PGK2: variants seen among roughly 807,000 people sequenced by gnomAD.
The protein encoded by PGK2 is phosphoglycerate kinase 2.
In PGK2, 5 loss-of-function variants were observed where a neutral mutation model predicts 5.2. The observed-to-expected ratio is 0.96, with a 90% CI of 0.50 to 2.01. PGK2 has a LOEUF of 2.01. PGK2 is among the 30% of genes most tolerant of loss of function. The pLI is 0.01. For missense variants in PGK2, 588 were observed against 506.8 expected (o/e 1.16, Z -1.54); for synonymous variants, 210 against 182.6 (o/e 1.15, Z -1.21).
chr6:49,786,912 A>G lies in PGK2; in HGVS notation c.276T>C (p.Asp92=). The G allele has an allele frequency of 6.2e-7, 1 of 1,614,102 alleles. No individual in the cohort carries two copies. Among genetic ancestry groups the G allele is most frequent in the Non-Finnish European group, 8.5e-7 (1 of 1,179,986 alleles). ...AVELKSLLGK[D]VLFLKDCVGA... is the part of the protein sequence containing the mutation. ...CTACACAGTCCTTCAGGAACAGAAC[A>G]TCCTTGCCCAGCAAGGATTTGAGCT... Residue 92 remains aspartate, a synonymous_variant, in exon 1 of 1, where the codon GAT becomes GAC. Transcript: ENST00000304801.
chr6:49,786,905 ACAGAACATC>A lies in PGK2; in HGVS notation c.274_282del (p.Asp92_Leu94del). On this transcript the variant is annotated inframe_deletion, in exon 1 of 1. Transcript: ENST00000304801. ...TCTGCGCCTACACAGTCCTTCAGGA[ACAGAACATC>A]CTTGCCCAGCAAGGATTTGAGCTCA... 1.2e-6 allele frequency: 2 copies of A among 1,614,102 alleles called. No homozygotes were observed. The highest frequency in any genetic ancestry group is 1.7e-6 in the Non-Finnish European group (2 of 1,180,016).
rs1561922260 is a variant in PGK2 at position 49,786,510 on chromosome 6, A to AC, written c.677_678insG (p.Asn226LysfsTer8). 1 of 1,614,098 alleles carries AC rather than the reference A, an allele frequency of 6.2e-7. No homozygotes were observed. The highest frequency in any genetic ancestry group is 8.5e-7 in the Non-Finnish European group (1 of 1,180,000). On this transcript the variant is annotated frameshift_variant, in exon 1 of 1. Coordinates refer to ENST00000304801, the MANE Select transcript of PGK2 (RefSeq NM_138733.5). LOFTEE classifies it low-confidence loss of function (END_TRUNC). ...TCATCTCATTGACTTTGTCCAGCAT[A>AC]TTTTTGATAAGTTGGATCTTGTCTG...
At position 49,786,643 on chromosome 6, in the gene PGK2, G is replaced by C; in HGVS notation, c.545C>G (p.Pro182Arg). Residue 182 changes from proline to arginine, a missense_variant, in exon 1 of 1, where the codon CCC (proline) becomes CGC (arginine). Coordinates refer to ENST00000304801, the MANE Select transcript of PGK2 (RefSeq NM_138733.5). The stretch of plus-strand genomic sequence containing the variant: ...CATCAAGAATCCGGATGCTTTATGG[G>C]GCAGATTCACTCCCACCATGGAACT... Reference protein sequence around the residue: ...AHSSMVGVNLPHKASGFLMKK... With the variant: ...AHSSMVGVNLRHKASGFLMKK... 1 of 1,614,032 alleles carries C rather than the reference G, an allele frequency of 6.2e-7. No individual in the cohort carries two copies.
chr6:49,786,143 C>T lies in PGK2; in HGVS notation c.1045G>A (p.Ala349Thr). The change falls in exon 1 of 1, where the codon GCT becomes ACT. Residue 349 changes from alanine to threonine, a missense_variant. Ala to Thr is a moderately conservative substitution (Grantham distance 58, BLOSUM62 0). Transcript: ENST00000304801. ...PLGVFEWDAF[A>T]KGTKALMDEI... Reference sequence around the variant, plus strand: ...TCCATGAGGGCTTTGGTTCCCTTAGCAAAGGCATCCCATTCAAATACTCCT... The same window carrying T: ...TCCATGAGGGCTTTGGTTCCCTTAGTAAAGGCATCCCATTCAAATACTCCT... 1 of 1,614,084 alleles carries T rather than the reference C, an allele frequency of 6.2e-7. No homozygotes were observed. Among genetic ancestry groups the T allele is most frequent in the South Asian group, 1.1e-5 (1 of 91,070 alleles).
Position 49,786,856 on chromosome 6 carries a change from G to C in PGK2, c.332C>G (p.Pro111Arg). ...GAEVEKACAN[P>R]APGSVILLEN... ...CAGCAGGATGACTGAACCAGGAGCTGGGTTGGCACAGGCTTTCTCCACTTC... is the reference window on the plus strand; with the variant it reads ...CAGCAGGATGACTGAACCAGGAGCTCGGTTGGCACAGGCTTTCTCCACTTC... The change falls in exon 1 of 1, where the codon CCA (proline) becomes CGA (arginine). Residue 111 changes from proline to arginine, a missense_variant. Pro to Arg is a moderately radical substitution (Grantham distance 103, BLOSUM62 -2). Coordinates refer to ENST00000304801, the MANE Select transcript of PGK2 (RefSeq NM_138733.5). 2 of 1,614,110 alleles carry C rather than the reference G, an allele frequency of 1.2e-6. No homozygotes were observed. The highest frequency in any genetic ancestry group is 2.2e-5 in the South Asian group (2 of 91,078).
rs1271923186 is a variant in PGK2 at position 49,785,861 on chromosome 6, C to T, written c.*73G>A. ...TAGGAGTAGATTTTAACAAAAGTCA[C>T]ATCGAGATGTAAAAGCATTAAGCTG... is the stretch of plus-strand genomic sequence containing the variant. On this transcript the variant is annotated 3_prime_UTR_variant, in exon 1 of 1. Transcript: ENST00000304801. 3.2e-6 allele frequency: 4 copies of T among 1,254,822 alleles called. No individual in the cohort carries two copies. The highest frequency in any genetic ancestry group is 4.5e-6 in the Non-Finnish European group (4 of 884,318). The allele number at this position is 1,254,822 out of a possible 1,614,324, so 77.7% of individuals were successfully genotyped here. A position where few individuals can be genotyped will look rare whatever the true frequency, so the allele number is the denominator to read the frequency against.
Position 49,786,808 on chromosome 6 carries a change from T to G in PGK2, c.380A>C (p.Glu127Ala). ...GGGATCTTGGCCCTTCCCTTCTTCC[T>G]CCACATGAAAGCGCAGGTTCTCCAG... ...ILLENLRFHV[E>A]EEGKGQDPSG... Residue 127 changes from glutamate to alanine, a missense_variant, in exon 1 of 1, where the codon GAG becomes GCG. By Grantham distance (107) the Glu-to-Ala change is moderately radical. Transcript: ENST00000304801. The G allele has an allele frequency of 2.5e-6, 4 of 1,614,116 alleles. No homozygotes were observed. The highest frequency in any genetic ancestry group is 3.4e-6 in the Non-Finnish European group (4 of 1,180,000).
Position 49,786,693 on chromosome 6 carries a change from A to T in PGK2, c.495T>A (p.Ala165=). Residue 165 remains alanine (A), a synonymous_variant, in exon 1 of 1, where the codon GCT becomes GCA. Transcript: ENST00000304801. ...SKLGDVYVND[A]FGTAHRAHSS... The stretch of plus-strand genomic sequence containing the variant: ...TATGAGCGCGGTGTGCAGTGCCAAA[A>T]GCATCATTGACATAGACGTCCCCTA... 5.0e-6 allele frequency: 8 copies of T among 1,614,134 alleles called. No individual in the cohort carries two copies. Among genetic ancestry groups the T allele is most frequent in the Non-Finnish European group, 5.9e-6 (7 of 1,180,022 alleles).
chr6:49,785,824 T>C lies in PGK2; in HGVS notation c.*110A>G. 2 of 816,366 alleles carry C rather than the reference T, an allele frequency of 2.4e-6. No homozygotes were observed. The highest frequency in any genetic ancestry group is 2.6e-5 in the Admixed American group (1 of 39,082). 50.6% of individuals were successfully genotyped at this position (816,366 alleles called of 1,614,324 possible). On this transcript the variant is annotated 3_prime_UTR_variant, in exon 1 of 1. Transcript: ENST00000304801. ...GATGGCCTGCTGCTTGTCCATTACA[T>C]AGGTCTTGATCTAGGAGTAGATTTT... is the stretch of plus-strand genomic sequence containing the variant.
chr6:49,786,271 C>G lies in PGK2; in HGVS notation c.917G>C (p.Gly306Ala), dbSNP rs769343937. ...CAAACCCATCCAGCCAGGAGATATGCCAGATGCTACAGTGGCTTTTCCAAC... is the reference window on the plus strand; with the variant it reads ...CAAACCCATCCAGCCAGGAGATATGGCAGATGCTACAGTGGCTTTTCCAAC... ...AQVGKATVASGISPGWMGLDC... is the reference protein window; with the variant it reads ...AQVGKATVASAISPGWMGLDC... Residue 306 changes from glycine to alanine, a missense_variant, in exon 1 of 1, where the codon GGC (glycine) becomes GCC (alanine). By Grantham distance (60) the Gly-to-Ala change is moderately conservative. Coordinates refer to ENST00000304801, the MANE Select transcript of PGK2 (RefSeq NM_138733.5). The G allele has an allele frequency of 6.2e-7, 1 of 1,614,166 alleles. No homozygotes were observed. The highest frequency in any genetic ancestry group is 8.5e-7 in the Non-Finnish European group (1 of 1,180,024).
In PGK2 at chr6:49,786,949, G is replaced by C; in HGVS notation, c.239C>G (p.Pro80Arg). Residue 80 changes from proline to arginine, a missense_variant, in exon 1 of 1, where the codon CCT becomes CGT. Physicochemically the swap from Pro to Arg is moderately radical, Grantham distance 103. Coordinates refer to ENST00000304801, the MANE Select transcript of PGK2 (RefSeq NM_138733.5). ...VPMPDKYSLA[P>R]VAVELKSLLG... ...CAAGGATTTGAGCTCAACAGCAACA[G>C]GTGCTAAGGAATATTTGTCAGGCAT... 1 of 1,614,070 alleles carries C rather than the reference G, an allele frequency of 6.2e-7. No individual in the cohort carries two copies. The highest frequency in any genetic ancestry group is 8.5e-7 in the Non-Finnish European group (1 of 1,180,010).
rs763977535 is a variant in PGK2, at chr6:49,786,921, C to T, written c.267G>A (p.Leu89=). 2.1e-5 allele frequency: 34 copies of T among 1,613,922 alleles called. No individual in the cohort carries two copies. In the East Asian group the frequency reaches 7.6e-4, roughly 36 times the overall value. Residue 89 remains leucine, a synonymous_variant, in exon 1 of 1, where the codon CTG becomes CTA. Coordinates refer to ENST00000304801, the MANE Select transcript of PGK2 (RefSeq NM_138733.5). ...CCTTCAGGAACAGAACATCCTTGCC[C>T]AGCAAGGATTTGAGCTCAACAGCAA... is the stretch of plus-strand genomic sequence containing the variant. ...APVAVELKSL[L]GKDVLFLKDC...
rs766299030 is a variant in PGK2, at chr6:49,786,302, C to T, written c.886G>A (p.Ala296Thr). The change falls in exon 1 of 1, where the codon GCT becomes ACT. Residue 296 changes from alanine to threonine, a missense_variant. Transcript: ENST00000304801. ...FVTGDKFDEN[A>T]QVGKATVASG... ...GCTACAGTGGCTTTTCCAACCTGAG[C>T]GTTCTCGTCAAACTTGTCCCCAGTA... The T allele has an allele frequency of 1.8e-5, 29 of 1,614,036 alleles. No individual in the cohort carries two copies. Among genetic ancestry groups the T allele is most frequent in the Non-Finnish European group, 2.3e-5 (27 of 1,180,030 alleles).
Position 49,786,679 on chromosome 6 carries a change from T to A in PGK2, c.509A>T (p.His170Leu), listed in dbSNP as rs140642109. ...VYVNDAFGTA[H>L]RAHSSMVGVN... ...TCCCACCATGGAACTATGAGCGCGG[T>A]GTGCAGTGCCAAAAGCATCATTGAC... is the stretch of plus-strand genomic sequence containing the variant. Residue 170 changes from histidine to leucine, a missense_variant, in exon 1 of 1, where the codon CAC becomes CTC. Physicochemically the swap from His to Leu is moderately conservative, Grantham distance 99 (BLOSUM62 -3). Transcript: ENST00000304801. The A allele has an allele frequency of 3.1e-4, 502 of 1,614,144 alleles. 5 individuals are homozygous for A. In the South Asian group the frequency reaches 3.7e-3, roughly 12 times the overall value.
Position 49,786,843 on chromosome 6 carries a change from T to C in PGK2, c.345A>G (p.Ser115=). 1 of 1,614,160 alleles carries C rather than the reference T, an allele frequency of 6.2e-7. No individual in the cohort carries two copies. Among genetic ancestry groups the C allele is most frequent in the Non-Finnish European group, 8.5e-7 (1 of 1,180,008 alleles). Reference sequence around the variant, plus strand: ...AGCGCAGGTTCTCCAGCAGGATGACTGAACCAGGAGCTGGGTTGGCACAGG... The same window carrying C: ...AGCGCAGGTTCTCCAGCAGGATGACCGAACCAGGAGCTGGGTTGGCACAGG... ...EKACANPAPG[S]VILLENLRFH... Residue 115 remains serine, a synonymous_variant, in exon 1 of 1, where the codon TCA becomes TCG. Transcript: ENST00000304801.
Position 49,786,526 on chromosome 6 carries a change from A to G in PGK2, c.662T>C (p.Ile221Thr), listed in dbSNP as rs922517052. ...ILGGAKVADK[I>T]QLIKNMLDKV... ...GTCCAGCATATTTTTGATAAGTTGG[A>G]TCTTGTCTGCCACTTTGGCTCCACC... Residue 221 changes from isoleucine to threonine, a missense_variant, in exon 1 of 1, where the codon ATC (isoleucine) becomes ACC (threonine). Ile to Thr is a moderately conservative substitution (Grantham distance 89). Transcript: ENST00000304801. The G allele has an allele frequency of 3.1e-6, 5 of 1,614,000 alleles. No individual in the cohort carries two copies. Among genetic ancestry groups the G allele is most frequent in the Admixed American group, 1.7e-5 (1 of 59,984 alleles).
Position 49,786,600 on chromosome 6 carries a change from G to T in PGK2, c.588C>A (p.Tyr196Ter). ...CTGGGTTTTCCAAGGCTTTAGCAAA[G>T]TAATCTAGTTCCTTCTTCATCAAGA... ...SGFLMKKELD[Y>*]FAKALENPVR... is the part of the protein sequence containing the mutation. The change falls in exon 1 of 1, where the codon TAC (tyrosine) becomes TAA (stop). Residue 196 changes from tyrosine (Y) to a stop codon, truncating the protein, a stop_gained. Coordinates refer to ENST00000304801, the MANE Select transcript of PGK2 (RefSeq NM_138733.5). LOFTEE classifies it low-confidence loss of function (END_TRUNC). 1.9e-6 allele frequency: 3 copies of T among 1,614,118 alleles called. No individual in the cohort carries two copies. Among genetic ancestry groups the T allele is most frequent in the Non-Finnish European group, 2.5e-6 (3 of 1,180,020 alleles).
chr6:49,787,002 A>T lies in PGK2; in HGVS notation c.186T>A (p.Ser62Arg). 1 of 1,613,988 alleles carries T rather than the reference A, an allele frequency of 6.2e-7. No individual in the cohort carries two copies. Among genetic ancestry groups the T allele is most frequent in the Non-Finnish European group, 8.5e-7 (1 of 1,179,952 alleles). Residue 62 changes from serine (S) to arginine (R), a missense_variant, in exon 1 of 1, where the codon AGT (serine) becomes AGA (arginine). Coordinates refer to ENST00000304801, the MANE Select transcript of PGK2 (RefSeq NM_138733.5). ...DNGAKAVVLM[S>R]HLGRPDGVPM... is the part of the protein sequence containing the mutation. ...GAACACCATCAGGCCGACCTAGATG[A>T]CTCATAAGAACTACTGCCTTGGCTC...
Position 49,786,690 on chromosome 6 carries a change from A to G in PGK2, c.498T>C (p.Phe166=), listed in dbSNP as rs770910126. 6.2e-7 allele frequency: 1 copy of G among 1,614,116 alleles called. No homozygotes were observed. Among genetic ancestry groups the G allele is most frequent in the East Asian group, 2.2e-5 (1 of 44,870 alleles). ...AACTATGAGCGCGGTGTGCAGTGCC[A>G]AAAGCATCATTGACATAGACGTCCC... ...KLGDVYVNDA[F]GTAHRAHSSM... is the part of the protein sequence containing the mutation. Residue 166 remains phenylalanine, a synonymous_variant, in exon 1 of 1, where the codon TTT becomes TTC. Transcript: ENST00000304801.
Sources: gnomAD v4.1 joint callset for allele counts on GRCh38, gnomAD v4.1.1 for gene constraint, MANE v1.5 for transcripts, NCBI Gene and HGNC (gene_info 2026-07-23, HGNC 2026-07-21) for gene names.